The following MPP7 variants were observed in gnomAD, a reference collection of about 807,000 sequenced individuals.
MPP7 encodes the protein MAGUK p55 subfamily member 7.
Under a neutral mutation model 76.5 loss-of-function variants are expected in MPP7, and 60 were observed. The ratio of observed to expected loss-of-function variants is 0.78; its 90% CI spans 0.64 to 0.97. MPP7 has a LOEUF of 0.97. Among genes scored for constraint, MPP7 ranks in the 50% least tolerant of loss-of-function variants. The pLI, the probability that MPP7 is intolerant of heterozygous loss-of-function variation, is 0.00. For missense variants in MPP7, 641 were observed against 694.0 expected (o/e 0.92, Z 0.86); for synonymous variants, 237 against 244.5 (o/e 0.97, Z 0.29).
chr10:28,331,542 C>G (rs1483169534), intron 1 of MPP7, among the ~76,000 whole-genome samples: 1 of 152,022 alleles, frequency 6.6e-6, no homozygotes, highest in African/African-American at 2.4e-5. Flanking sequence ...TTTTAAAAAG[C>G]AATTTTCAGT....
chr10:28,166,724 A>C (rs11818966), intron 3 of MPP7, among the ~76,000 whole-genome samples: 1 of 152,042 alleles, frequency 6.6e-6, no homozygotes, highest in Non-Finnish European at 1.5e-5. Flanking sequence ...TTAATTTTTA[A>C]AAAAAATCTG....
At chr10:28,167,233 C>A (rs543189999) in intron 3 of MPP7, among the ~76,000 whole-genome samples, 1 of 151,812 alleles carries the variant, frequency 6.6e-6, no homozygotes, top group Non-Finnish European at 1.5e-5. Flanking sequence ...ATCACTTGAA[C>A]CCAGGAGGTG....
chr10:28,226,981 GC>G (rs1181613943), intron 2 of MPP7, among the ~76,000 whole-genome samples: 1 of 152,188 alleles, frequency 6.6e-6, no homozygotes, highest in African/African-American at 2.4e-5. Context: ...ATTAAAGGAA[GC>G]TACTGATATG....
At chr10:28,066,811 T>C (rs1852005418) in intron 13 of MPP7, among the ~76,000 whole-genome samples, 1 of 152,228 alleles carries the variant, frequency 6.6e-6, no homozygotes, top group South Asian at 2.1e-4. Context: ...TCAACACATT[T>C]GCGGGATTCA....
intron 3 of MPP7, 72 bp from the exon 4 acceptor site, chr10:28,150,131 T>C (rs920420833): frequency 1.9e-6 from 2 of 1,044,284 alleles, no homozygotes; most frequent in African/African-American, 3.2e-5. Flanking sequence ...ATTTTTATAC[T>C]TGAAAAGAGA....
chr10:28,057,641 ATT>A, intron 15 of MPP7: 1 of 290,636 alleles, frequency 3.4e-6, no homozygotes, highest in Non-Finnish European at 4.9e-6. Flanking sequence ...TTTTTAGTAA[ATT>A]ACCCAGTTTC....
chr10:28,306,213 T>G (rs1841254631), upstream of MPP7, among the ~76,000 whole-genome samples: 1 of 152,230 alleles, frequency 6.6e-6, no homozygotes, highest in Non-Finnish European at 1.5e-5. Flanking sequence ...TCCAGCTGAT[T>G]AGTGACAGAT....
intron 2 of MPP7, among the ~76,000 whole-genome samples, chr10:28,234,118 C>T (rs1319644059): frequency 1.3e-5 from 2 of 152,178 alleles, no homozygotes; most frequent in Non-Finnish European, 2.9e-5. Context: ...GAAATGTCTA[C>T]TTCTAGGACT....
intron 8 of MPP7, among the ~76,000 whole-genome samples, chr10:28,123,456 TA>T (rs1264189770): frequency 6.8e-6 from 1 of 146,228 alleles, no homozygotes; most frequent in African/African-American, 2.5e-5. Context: ...GGACAGGTAC[TA>T]AATTCTTTTT....
At chr10:28,064,001 T>C (rs1439612297) in intron 13 of MPP7, among the ~76,000 whole-genome samples, 2 of 152,346 alleles carry the variant, frequency 1.3e-5, no homozygotes, top group South Asian at 2.1e-4. Flanking sequence ...GTTTGTAAGA[T>C]GGTATAACCA....
intron 5 of MPP7, among the ~76,000 whole-genome samples, chr10:28,132,950 A>T (rs1835241871): frequency 6.6e-6 from 1 of 150,532 alleles, no homozygotes; most frequent in Non-Finnish European, 1.5e-5. Flanking sequence ...TCTTTTCTCC[A>T]CTTAGATCAG....
rs10528025 is a variant in MPP7, at chr10:28,095,194, CATATATATATAT to C, written c.953-5365_953-5354del. ...TATCTGATATACATACACACATATG[CATATATATATAT>C]ATATATATATATATATACAGAAACA... On this transcript the variant is annotated intron_variant, in intron 11 of 16. Coordinates refer to ENST00000683449, the MANE Select transcript of MPP7 (RefSeq NM_001318170.2). 1.0e-3 allele frequency among the ~76,000 whole-genome samples: 136 copies of C among 130,836 alleles called. 1 individual carries two copies. Among genetic ancestry groups the C allele is most frequent in the Middle Eastern group, 3.7e-3 (1 of 272 alleles). The allele number at this position is 130,836 out of a possible 152,430, so 85.8% of individuals were successfully genotyped here. A position where few individuals can be genotyped will look rare whatever the true frequency, so the allele number is the denominator to read the frequency against.
Position 28,236,406 on chromosome 10 carries a change from A to T in MPP7, c.37+2162T>A, listed in dbSNP as rs190954907. The stretch of plus-strand genomic sequence containing the variant: ...TTAACACGGAAATATCTCTCCAAGA[A>T]TATAGCTTGGTGTAGAAAAAAAGCT... On this transcript the variant is annotated intron_variant, in intron 2 of 16. Coordinates refer to ENST00000683449, the MANE Select transcript of MPP7 (RefSeq NM_001318170.2). Among the ~76,000 whole-genome samples, 205 of 152,328 alleles carry T rather than the reference A, an allele frequency of 1.3e-3. 2 individuals carry two copies. The East Asian group carries it at 0.023, about 17-fold the overall frequency.
chr10:28,161,080 G>A (rs2133822709), intron 3 of MPP7, among the ~76,000 whole-genome samples: 1 of 152,242 alleles, frequency 6.6e-6, no homozygotes, highest in South Asian at 2.1e-4. Context: ...CATGGTCCCA[G>A]ACTAAGAAGC....
intron 3 of MPP7, among the ~76,000 whole-genome samples, chr10:28,193,138 A>C (rs1837463556): frequency 6.6e-6 from 1 of 152,188 alleles, no homozygotes; most frequent in Non-Finnish European, 1.5e-5. Flanking sequence ...AACTTCTAGG[A>C]GATAACACAA....
At chr10:28,087,837 G>A (rs1307254776) in intron 12 of MPP7, among the ~76,000 whole-genome samples, 1 of 152,158 alleles carries the variant, frequency 6.6e-6, no homozygotes, top group Admixed American at 6.5e-5. Flanking sequence ...GGAGGTCTCA[G>A]GTAGCCCCAT....
chr10:28,073,683 T>C (rs957468334), intron 12 of MPP7, among the ~76,000 whole-genome samples: 1 of 152,000 alleles, frequency 6.6e-6, no homozygotes, highest in Non-Finnish European at 1.5e-5. Context: ...GGCAAGAGAA[T>C]CGCTTGAATC....
In MPP7 at chr10:28,059,465, A is replaced by G. The variant is rs749496529; in HGVS notation, c.1298+185T>C. ...TATAGAAATGAAGCAAATCCAGGTT[A>G]CTAAAAAATTAGAGGTGAAGATTAA... On this transcript the variant is annotated intron_variant, in intron 14 of 16. Coordinates refer to ENST00000683449, the MANE Select transcript of MPP7 (RefSeq NM_001318170.2). 3.8e-5 allele frequency: 19 copies of G among 499,162 alleles called. 1 individual carries two copies. The highest frequency in any genetic ancestry group is 6.6e-5 in the Non-Finnish European group (19 of 286,054). The allele number at this position is 499,162 out of a possible 1,614,324, so 30.9% of individuals were successfully genotyped here. A position where few individuals can be genotyped will look rare whatever the true frequency, so the allele number is the denominator to read the frequency against.
intron 11 of MPP7, among the ~76,000 whole-genome samples, chr10:28,114,997 A>G (rs1377600653): frequency 1.3e-5 from 2 of 152,084 alleles, no homozygotes; most frequent in African/African-American, 2.4e-5. Flanking sequence ...GTTCATCTAC[A>G]CCTCTTTCCA....
Sources: allele counts gnomAD v4.1 joint callset (sites outside exome capture counted in the v4.1 genomes callset), GRCh38; gene constraint gnomAD v4.1.1; transcripts MANE v1.5; gene names NCBI Gene and HGNC (gene_info 2026-07-23, HGNC 2026-07-21).